The following POLR3A variants were observed in gnomAD, a reference collection of about 807,000 sequenced individuals.
POLR3A encodes the protein DNA-directed RNA polymerase III subunit RPC1.
A neutral mutation model predicts 152.8 loss-of-function variants in POLR3A; 112 were observed. The observed-to-expected ratio is 0.73, with a 90% CI of 0.63 to 0.86. The LOEUF (loss-of-function observed/expected upper bound fraction) is 0.86, where lower values mean the gene tolerates loss of function less well. POLR3A is among the 40% of genes least tolerant of loss of function. The pLI, the probability that POLR3A is intolerant of heterozygous loss-of-function variation, is 0.00. For synonymous variants in POLR3A, 615 were observed against 652.1 expected (o/e 0.94, Z 0.87); for missense variants, 1,385 against 1,743.1 (o/e 0.79, Z 3.66).
chr10:77,982,632 G>A (rs778216572), intron 27 of POLR3A, 21 bp downstream of exon 27: 3 of 1,610,454 alleles, frequency 1.9e-6, no homozygotes, highest in Admixed American at 1.7e-5. Flanking sequence ...GGGTCTCCAT[G>A]AGAAGCGACT....
rs1419275263 is a variant in POLR3A at position 77,981,595 on chromosome 10, TC to T, written c.3760-37del. On this transcript the variant is annotated intron_variant, in intron 28 of 30. Transcript: ENST00000372371. ...CCAGTAATGAGCAGAAGCAGCCCCT[TC>T]CGGGAGGCCACTGCAAATTCTCTCC... 6.2e-6 allele frequency: 10 copies of T among 1,612,890 alleles called. No individual in the cohort carries two copies. The South Asian group carries it at 1.1e-4, about 18-fold the overall frequency.
intron 8 of POLR3A, 73 bp downstream of exon 8, chr10:78,021,473 G>T (rs1847578736): frequency 6.6e-7 from 1 of 1,520,216 alleles, no homozygotes; most frequent in Non-Finnish European, 9.1e-7. Context: ...ACTGCCTGTT[G>T]TTTGCAATAC....
intron 3 of POLR3A, 61 bp from the exon 4 acceptor site, chr10:78,025,203 T>A: frequency 6.3e-7 from 1 of 1,579,640 alleles, no homozygotes; most frequent in South Asian, 1.1e-5. Flanking sequence ...TATTTTCTTT[T>A]AAAAATGCCA....
In POLR3A at chr10:77,991,039, C is replaced by A; in HGVS notation, c.2901+15G>T. 6.8e-7 allele frequency: 1 copy of A among 1,464,092 alleles called. No homozygotes were observed. The allele number at this position is 1,464,092 out of a possible 1,614,324, so 90.7% of individuals were successfully genotyped here. ...GCCAGGCTGGGTGCAGTAGCCAGCACCTGGCAGAGCTCACCTGCAGGAAGC... is the reference window on the plus strand; with the variant it reads ...GCCAGGCTGGGTGCAGTAGCCAGCAACTGGCAGAGCTCACCTGCAGGAAGC... On this transcript the variant is annotated intron_variant, in intron 21 of 30. Coordinates refer to ENST00000372371, the MANE Select transcript of POLR3A (RefSeq NM_007055.4).
At chr10:78,023,204 T>C (rs948521534) in intron 5 of POLR3A, among the ~76,000 whole-genome samples, 6 of 151,168 alleles carry the variant, frequency 4.0e-5, no homozygotes, top group Admixed American at 4.0e-4. Flanking sequence ...CTCATGTCTA[T>C]AATCCCAGCA....
chr10:78,013,451 A>G, intron 11 of POLR3A, 199 bp downstream of exon 11: 1 of 621,688 alleles, frequency 1.6e-6, no homozygotes, highest in East Asian at 2.8e-5. Context: ...TGTATATACT[A>G]TAATTTCTAA....
chr10:78,019,403 A>G lies in POLR3A; in HGVS notation c.1186-138T>C, dbSNP rs1847556235. ...AGGCATCCTGGGCAGCCTGCTGCCT[A>G]TGGTCTTGAGTATAATGTGAACAAC... On this transcript the variant is annotated intron_variant, in intron 8 of 30. Transcript: ENST00000372371. 7.2e-6 allele frequency: 5 copies of G among 697,502 alleles called. No individual in the cohort carries two copies. In the South Asian group the frequency reaches 7.6e-5, roughly 11 times the overall value. 43.2% of individuals were successfully genotyped at this position (697,502 alleles called of 1,614,324 possible). A position where few individuals can be genotyped will look rare whatever the true frequency, so the allele number is the denominator to read the frequency against.
At chr10:78,024,829 A>C (rs2131960834) in intron 4 of POLR3A, 126 bp from the exon 5 acceptor site, 3 of 1,329,842 alleles carry the variant, frequency 2.3e-6, no homozygotes, top group East Asian at 4.6e-5. Context: ...TCCGTTTCCC[A>C]ATAGGACATC....
chr10:78,013,552 T>C, intron 11 of POLR3A, 98 bp downstream of exon 11: 1 of 1,254,540 alleles, frequency 8.0e-7, no homozygotes, highest in Non-Finnish European at 1.2e-6. Context: ...GCCTGGCTTC[T>C]TTGGCGTTGT....
chr10:77,992,855 T>C lies in POLR3A; in HGVS notation c.2787+342A>G, dbSNP rs145812752. Among the ~76,000 whole-genome samples the C allele has an allele frequency of 9.9e-3, 1,495 of 151,066 alleles. 31 individuals carry two copies. Among genetic ancestry groups the C allele is most frequent in the African/African-American group, 0.035 (1,438 of 41,168 alleles). ...GCACTTGGCCTTTTTCCTTTAAATA[T>C]TGGAAAGTAAAAAAAAAAAGCAAAA... On this transcript the variant is annotated intron_variant, in intron 20 of 30. Coordinates refer to ENST00000372371, the MANE Select transcript of POLR3A (RefSeq NM_007055.4).
In POLR3A at chr10:77,977,239, A is replaced by G; in HGVS notation, c.*239T>C. 5.6e-6 allele frequency: 3 copies of G among 533,182 alleles called. No homozygotes were observed. Among genetic ancestry groups the G allele is most frequent in the South Asian group, 4.0e-5 (2 of 49,400 alleles). 33.0% of individuals were successfully genotyped at this position (533,182 alleles called of 1,614,324 possible). ...GGGGCCGTCTATAGATTAGGTTTCA[A>G]GCAAGCAAACAATAAAACCCTCAGC... On this transcript the variant is annotated 3_prime_UTR_variant, in exon 31 of 31. Transcript: ENST00000372371.
chr10:77,979,497 G>A (rs7094350), intron 30 of POLR3A, among the ~76,000 whole-genome samples: 1,898 of 152,288 alleles, frequency 0.012, 33 homozygotes, highest in African/African-American at 0.044. Flanking sequence ...AGACACTGGG[G>A]AGAGTTCCCC....
At chr10:77,984,135 G>A in intron 25 of POLR3A, 70 bp downstream of exon 25, 1 of 1,272,518 alleles carries the variant, frequency 7.9e-7, no homozygotes, top group Non-Finnish European at 1.1e-6. Flanking sequence ...ATAGATGGCA[G>A]CTGATTTTTA....
In POLR3A at chr10:78,023,100, G is replaced by A. The variant is rs1416764235; in HGVS notation, c.646-716C>T. On this transcript the variant is annotated intron_variant, in intron 5 of 30. Transcript: ENST00000372371. ...TTGAACCTGGGAGGCAGAGGTTGCC[G>A]TGAGCCGATATCATGCCATTGCACT... 3.3e-5 allele frequency among the ~76,000 whole-genome samples: 5 copies of A among 151,916 alleles called. No individual in the cohort carries two copies. In the East Asian group the frequency reaches 9.7e-4, roughly 29 times the overall value.
chr10:77,989,742 T>C (rs1238442744), intron 21 of POLR3A, among the ~76,000 whole-genome samples: 1 of 152,204 alleles, frequency 6.6e-6, no homozygotes, highest in Non-Finnish European at 1.5e-5. Flanking sequence ...CGTTACCTCG[T>C]TATAGCTTTC....
Position 77,985,950 on chromosome 10 carries a change from G to C in POLR3A, c.3024C>G (p.Pro1008=), listed in dbSNP as rs750472116. ...TCTCCAGAAACTTTTCTACTTGGGT[G>C]GGGGTGATGCGGTCCAGCTGGTACA... ...RVLYQLDRIT[P]TQVEKFLETC... is the part of the protein sequence containing the mutation. The change falls in exon 23 of 31, where the codon CCC becomes CCG. Residue 1008 remains proline (P), a synonymous_variant. Coordinates refer to ENST00000372371, the MANE Select transcript of POLR3A (RefSeq NM_007055.4). 1.9e-6 allele frequency: 3 copies of C among 1,614,078 alleles called. No homozygotes were observed. Among genetic ancestry groups the C allele is most frequent in the South Asian group, 2.2e-5 (2 of 91,080 alleles).
At chr10:77,977,775 C>G in intron 30 of POLR3A, 149 bp from the exon 31 acceptor site, 1 of 728,482 alleles carries the variant, frequency 1.4e-6, no homozygotes, top group Non-Finnish European at 2.5e-6. Flanking sequence ...CCCTTTCCTT[C>G]CCATCTAAAA....
intron 21 of POLR3A, among the ~76,000 whole-genome samples, chr10:77,990,096 T>C (rs952569003): frequency 2.0e-5 from 3 of 152,236 alleles, no homozygotes; most frequent in African/African-American, 7.2e-5. Flanking sequence ...TACATTTGAA[T>C]TACTATTTAG....
chr10:78,007,937 C>T (rs1847426929), intron 14 of POLR3A, 71 bp from the exon 15 acceptor site: 4 of 1,220,212 alleles, frequency 3.3e-6, no homozygotes, highest in South Asian at 2.4e-5. Context: ...GAATTTGAGA[C>T]AGTTGAGAAA....
Sources: gnomAD v4.1 joint callset for allele counts (sites outside exome capture counted in the v4.1 genomes callset) on GRCh38, gnomAD v4.1.1 for gene constraint, MANE v1.5 for transcripts, NCBI Gene and HGNC (gene_info 2026-07-23, HGNC 2026-07-21) for gene names.